Variants in OLFM3 observed in about 807,000 individuals in gnomAD.
OLFM3 encodes noelin-3.
Under a neutral mutation model 48.6 loss-of-function variants are expected in OLFM3, and 20 were observed. The ratio of observed to expected loss-of-function variants is 0.41; its 90% CI spans 0.29 to 0.60. The LOEUF (loss-of-function observed/expected upper bound fraction) is 0.60. Among genes scored for constraint, OLFM3 ranks in the 20% least tolerant of loss-of-function variants. The pLI is 0.28. For missense variants in OLFM3, 437 were observed against 544.3 expected (o/e 0.80, Z 1.96); for synonymous variants, 222 against 198.1 (o/e 1.12, Z -1.01).
intron 1 of OLFM3, among the ~76,000 whole-genome samples, chr1:101,856,011 A>G (rs1479854324): frequency 6.6e-6 from 1 of 151,964 alleles, no homozygotes. Context: ...GTAGTAAACA[A>G]CCCCAAACAT....
intron 1 of OLFM3, among the ~76,000 whole-genome samples, chr1:101,980,706 C>A (rs1335153991): frequency 2.6e-5 from 4 of 152,092 alleles, no homozygotes; most frequent in Non-Finnish European, 5.9e-5. Flanking sequence ...GTAAATATGG[C>A]CCAGAGTGAG....
rs747250391 is a variant in OLFM3, at chr1:101,825,166, G to A, written c.452C>T (p.Thr151Ile). The A allele has an allele frequency of 1.2e-5, 20 of 1,613,870 alleles. No homozygotes were observed. Among genetic ancestry groups the A allele is most frequent in the Non-Finnish European group, 1.5e-5 (18 of 1,179,966 alleles). ...EQYKTDAKLITQFKEEIRNLS... is the reference protein window; with the variant it reads ...EQYKTDAKLIIQFKEEIRNLS... Reference sequence around the variant, plus strand: ...ATTCCTTATTTCCTCCTTGAACTGGGTGATTAACTTAGCATCTGTTTTGTA... The same window carrying A: ...ATTCCTTATTTCCTCCTTGAACTGGATGATTAACTTAGCATCTGTTTTGTA... The change falls in exon 4 of 6, where the codon ACC becomes ATC. Residue 151 changes from threonine (T) to isoleucine (I), a missense_variant. By Grantham distance (89) the Thr-to-Ile change is moderately conservative. Coordinates refer to ENST00000370103, the MANE Select transcript of OLFM3 (RefSeq NM_058170.4).
chr1:101,863,933 T>C (rs1021187808), intron 1 of OLFM3, among the ~76,000 whole-genome samples: 4 of 152,196 alleles, frequency 2.6e-5, no homozygotes, highest in Non-Finnish European at 5.9e-5. Flanking sequence ...TGCTATTGGC[T>C]CCCAGACAAT....
At chr1:101,958,571 T>G (rs547158948) in intron 1 of OLFM3, among the ~76,000 whole-genome samples, 1 of 152,094 alleles carries the variant, frequency 6.6e-6, no homozygotes, top group Non-Finnish European at 1.5e-5. Flanking sequence ...CTTCAGAATA[T>G]GCATGCTTTT....
intron 1 of OLFM3, among the ~76,000 whole-genome samples, chr1:101,946,102 C>T (rs927892999): frequency 2.0e-5 from 3 of 152,078 alleles, no homozygotes; most frequent in African/African-American, 7.2e-5. Context: ...ACTTGGGTGC[C>T]TTGGTCAGCA....
At chr1:101,956,094 T>TG (rs1388897752) in intron 1 of OLFM3, among the ~76,000 whole-genome samples, 6 of 126,932 alleles carry the variant, frequency 4.7e-5, no homozygotes, top group African/African-American at 1.8e-4. Context: ...AGGTTTTTTT[T>TG]TTTTTTTTTA....
At chr1:101,903,515 G>C (rs1157970710) in intron 1 of OLFM3, among the ~76,000 whole-genome samples, 6 of 152,054 alleles carry the variant, frequency 3.9e-5, no homozygotes, top group Middle Eastern at 3.2e-3. Context: ...AGAAATTTTA[G>C]TCCGTGCATG....
At chr1:101,925,225 G>C (rs538872665) in intron 1 of OLFM3, among the ~76,000 whole-genome samples, 1 of 151,926 alleles carries the variant, frequency 6.6e-6, no homozygotes, top group Non-Finnish European at 1.5e-5. Context: ...ATGGAAGGCA[G>C]TCAGACTGGG....
At chr1:101,841,436 T>G (rs1482314249) in intron 1 of OLFM3, among the ~76,000 whole-genome samples, 1 of 152,200 alleles carries the variant, frequency 6.6e-6, no homozygotes, top group African/African-American at 2.4e-5. Context: ...ATGCTCATAC[T>G]CTTTGGATAA....
At chr1:101,886,609 C>T (rs1336395767) in intron 1 of OLFM3, among the ~76,000 whole-genome samples, 5 of 152,008 alleles carry the variant, frequency 3.3e-5, no homozygotes, top group Admixed American at 1.3e-4. Context: ...ACATCAGACA[C>T]GTGAGTGGGG....
intron 4 of OLFM3, among the ~76,000 whole-genome samples, chr1:101,811,891 G>T (rs1246812302): frequency 6.6e-6 from 1 of 152,146 alleles, no homozygotes; most frequent in African/African-American, 2.4e-5. Context: ...GCACACGTAT[G>T]TTTATTGCGG....
chr1:101,963,478 G>C (rs1003117100), intron 1 of OLFM3, among the ~76,000 whole-genome samples: 1 of 151,768 alleles, frequency 6.6e-6, no homozygotes, highest in African/African-American at 2.4e-5. Context: ...ATTTGTATCA[G>C]AAGGTAGCAC....
intron 1 of OLFM3, among the ~76,000 whole-genome samples, chr1:101,877,545 G>A (rs1286159494): frequency 1.3e-5 from 2 of 151,838 alleles, no homozygotes; most frequent in African/African-American, 4.8e-5. Flanking sequence ...AGTTACTTTT[G>A]TATATTTTAA....
intron 4 of OLFM3, among the ~76,000 whole-genome samples, chr1:101,815,304 G>A (rs1279811144): frequency 2.6e-5 from 4 of 151,988 alleles, no homozygotes; most frequent in African/African-American, 7.2e-5. Flanking sequence ...AAAAATAGCC[G>A]GGCGTAGTGG....
At chr1:101,886,311 T>G (rs917966198) in intron 1 of OLFM3, among the ~76,000 whole-genome samples, 1 of 152,044 alleles carries the variant, frequency 6.6e-6, no homozygotes, top group African/African-American at 2.4e-5. Flanking sequence ...AGTTAACTAA[T>G]ACTTAATTTT....
At chr1:101,969,116 A>T (rs1303960019) in intron 1 of OLFM3, among the ~76,000 whole-genome samples, 2 of 152,106 alleles carry the variant, frequency 1.3e-5, no homozygotes, top group Non-Finnish European at 2.9e-5. Flanking sequence ...ACTTAGCTGG[A>T]TTACAAACTA....
chr1:101,912,442 A>G (rs1436337994), intron 1 of OLFM3, among the ~76,000 whole-genome samples: 2 of 152,200 alleles, frequency 1.3e-5, no homozygotes, highest in Non-Finnish European at 2.9e-5. Flanking sequence ...TCTTTACAAC[A>G]ACCCTATGAG....
At chr1:101,839,655 C>T (rs1250503242) in intron 1 of OLFM3, among the ~76,000 whole-genome samples, 6 of 152,172 alleles carry the variant, frequency 3.9e-5, no homozygotes, top group Admixed American at 3.3e-4. Context: ...TTAATATTGA[C>T]GTGCACTTGC....
At chr1:101,810,281 T>C (rs971148791) in intron 4 of OLFM3, among the ~76,000 whole-genome samples, 2 of 151,972 alleles carry the variant, frequency 1.3e-5, no homozygotes, top group East Asian at 3.9e-4. Flanking sequence ...AATCCTCATC[T>C]TGCAGAGCAG....
Sources: allele counts gnomAD v4.1 joint callset (sites outside exome capture counted in the v4.1 genomes callset), GRCh38; gene constraint gnomAD v4.1.1; transcripts MANE v1.5; gene names NCBI Gene and HGNC (gene_info 2026-07-23, HGNC 2026-07-21).